Variants in SOX13 observed in about 807,000 individuals in gnomAD.
The protein encoded by SOX13 is transcription factor SOX-13.
SOX13 carries 28 observed loss-of-function variants against 71.8 expected under a neutral mutation model. The observed-to-expected ratio is 0.39, with a 90% CI of 0.29 to 0.53. The LOEUF is 0.53. SOX13 is among the 20% of genes least tolerant of loss of function. SOX13 has a pLI of 0.70. For synonymous variants in SOX13, 309 were observed against 317.8 expected, an observed-to-expected ratio of 0.97 and a Z score of 0.29; for missense variants, 627 against 810.3, an observed-to-expected ratio of 0.77 and a Z score of 2.75.
intron 4 of SOX13, among the ~76,000 whole-genome samples, chr1:204,115,249 C>T (rs2102256973): frequency 6.6e-6 from 1 of 151,838 alleles, no homozygotes; most frequent in Admixed American, 6.6e-5. Flanking sequence ...CCTAAACAGT[C>T]CTCCCACCTT....
At chr1:204,098,807 TG>T (rs1239028765) in intron 1 of SOX13, among the ~76,000 whole-genome samples, 1 of 152,192 alleles carries the variant, frequency 6.6e-6, no homozygotes, top group East Asian at 1.9e-4. Context: ...GCCTCATTCA[TG>T]GGGAAGATAC....
intron 1 of SOX13, among the ~76,000 whole-genome samples, chr1:204,086,500 A>C (rs999717259): frequency 3.1e-5 from 1 of 32,756 alleles, no homozygotes; most frequent in Admixed American, 2.9e-4. Context: ...GAAGGAGTTT[A>C]TCATGTTGGC....
chr1:204,091,956 T>G (rs1242860317), intron 1 of SOX13, among the ~76,000 whole-genome samples: 1 of 152,218 alleles, frequency 6.6e-6, no homozygotes, highest in Non-Finnish European at 1.5e-5. Flanking sequence ...GTTCATTCTT[T>G]CTTTCGTTCT....
At position 204,125,917 on chromosome 1, in the gene SOX13, G is replaced by A. The variant is rs1656911266; in HGVS notation, c.1652G>A (p.Gly551Asp). 4 of 1,613,328 alleles carry A rather than the reference G, an allele frequency of 2.5e-6. No homozygotes were observed. The highest frequency in any genetic ancestry group is 3.4e-6 in the Non-Finnish European group (4 of 1,179,726). Residue 551 changes from glycine to aspartate, a missense_variant, in exon 14 of 14, where the codon GGC becomes GAC. This residue lies in a region of SOX13 where 148 missense variants were observed against 192.7 expected (regional missense o/e 0.77). Transcript: ENST00000367204. ...SSDVLYPRAA[G>D]MPLAQPLVEH... is the part of the protein sequence containing the mutation. Reference sequence around the variant, plus strand: ...GATGTCCTGTACCCTCGGGCAGCAGGCATGCCGCTGGCACAGCCACTGGTG... The same window carrying A: ...GATGTCCTGTACCCTCGGGCAGCAGACATGCCGCTGGCACAGCCACTGGTG...
At chr1:204,085,321 G>A (rs1446806270) in intron 1 of SOX13, among the ~76,000 whole-genome samples, 11 of 152,208 alleles carry the variant, frequency 7.2e-5, no homozygotes. Flanking sequence ...GGCTCATGGG[G>A]CTATTGTGAT....
intron 1 of SOX13, among the ~76,000 whole-genome samples, chr1:204,087,785 A>G (rs988182869): frequency 3.3e-5 from 5 of 152,250 alleles, no homozygotes; most frequent in African/African-American, 7.2e-5. Context: ...ACTTTGCCAC[A>G]GCCCCGCACA....
chr1:204,080,231 C>G (rs1655874765), intron 1 of SOX13, among the ~76,000 whole-genome samples: 1 of 152,178 alleles, frequency 6.6e-6, no homozygotes, highest in Non-Finnish European at 1.5e-5. Flanking sequence ...CCAGCGGTGG[C>G]CTTAGCATTT....
At chr1:204,120,719 G>C (rs1656785714) in intron 7 of SOX13, among the ~76,000 whole-genome samples, 1 of 152,212 alleles carries the variant, frequency 6.6e-6, no homozygotes, top group African/African-American at 2.4e-5. Context: ...CCCAGCTGGA[G>C]CAGAGTTTGC....
At chr1:204,124,559 A>G (rs1656878396) in intron 12 of SOX13, 82 bp from the exon 13 acceptor site, 3 of 1,179,362 alleles carry the variant, frequency 2.5e-6, no homozygotes, top group Non-Finnish European at 3.7e-6. Context: ...CTGGGGATCA[A>G]GGTCTTCTCA....
intron 4 of SOX13, among the ~76,000 whole-genome samples, chr1:204,115,491 TTAAAAAAAAAAAAA>T (rs1656670945): frequency 1.0e-5 from 1 of 95,812 alleles, no homozygotes; most frequent in South Asian, 3.7e-4. Context: ...TTTTTTTTTT[TTAAAAAAAAAAAAA>T]AAAAAAAAGG....
At chr1:204,101,945 T>A (rs1656368522) in intron 1 of SOX13, among the ~76,000 whole-genome samples, 1 of 152,122 alleles carries the variant, frequency 6.6e-6, no homozygotes, top group South Asian at 2.1e-4. Context: ...ATATTACTAT[T>A]TGCCCCAGTT....
At chr1:204,112,520 C>CAT (rs1571586777) in intron 1 of SOX13, among the ~76,000 whole-genome samples, 1 of 124,302 alleles carries the variant, frequency 8.0e-6, no homozygotes, top group East Asian at 2.6e-4. Context: ...CACACACACA[C>CAT]ACACACACTT....
In SOX13 at chr1:204,089,100, T is replaced by C. The variant is rs548811543; in HGVS notation, c.-2+15389T>C. ...GCCTTGTATTAATTTGTTTTTCAGA[T>C]TGAGTCTCTGTTACTAGCAATTTAT... On this transcript the variant is annotated intron_variant, in intron 1 of 13. Transcript: ENST00000367204. 3.3e-5 allele frequency among the ~76,000 whole-genome samples: 5 copies of C among 151,164 alleles called. No homozygotes were observed. The East Asian group carries it at 9.7e-4, about 29-fold the overall frequency.
rs1225621986 is a variant in SOX13, at chr1:204,099,287, A to G, written c.-1-13628A>G. Among the ~76,000 whole-genome samples, 4 of 152,208 alleles carry G rather than the reference A, an allele frequency of 2.6e-5. No individual in the cohort carries two copies. The South Asian group carries it at 8.3e-4, about 31-fold the overall frequency. On this transcript the variant is annotated intron_variant, in intron 1 of 13. Transcript: ENST00000367204. ...AGTAGCTATTTCACAGGACTAATGA[A>G]GGAATTAAAAGGCTAAATCCTTATA... is the stretch of plus-strand genomic sequence containing the variant.
intron 4 of SOX13, chr1:204,116,198 G>A (rs946624484): frequency 1.1e-5 from 15 of 1,335,306 alleles, no homozygotes; most frequent in Middle Eastern, 2.8e-4. Context: ...CCTGTGTGGC[G>A]CTGAGCACTC....
intron 1 of SOX13, among the ~76,000 whole-genome samples, chr1:204,083,543 T>G (rs1655953104): frequency 6.6e-6 from 1 of 152,258 alleles, no homozygotes. Flanking sequence ...ATAGCTTGGA[T>G]AGTCAGCTTT....
intron 1 of SOX13, among the ~76,000 whole-genome samples, chr1:204,112,618 T>C (rs908131043): frequency 1.3e-5 from 2 of 152,106 alleles, no homozygotes; most frequent in East Asian, 1.9e-4. Context: ...GTCAGTCCAC[T>C]AGTCCCGTAG....
rs189611393 is a variant in SOX13 at position 204,113,649 on chromosome 1, T to A, written c.219+515T>A. Among the ~76,000 whole-genome samples the A allele has an allele frequency of 5.9e-3, 890 of 151,678 alleles. 21 individuals are homozygous for A. Among genetic ancestry groups the A allele is most frequent in the Admixed American group, 0.053 (808 of 15,212 alleles). ...ATATGAGATGTAAAAAGGTGATATA[T>A]AATTAAAATCCAAATAAGTGAAAAT... On this transcript the variant is annotated intron_variant, in intron 2 of 13. Transcript: ENST00000367204.
At chr1:204,089,329 C>T (rs1037364284) in intron 1 of SOX13, among the ~76,000 whole-genome samples, 8 of 152,272 alleles carry the variant, frequency 5.3e-5, no homozygotes, top group African/African-American at 9.6e-5. Context: ...CTCCTCTGGA[C>T]AGCATGGCAT....
Sources: gnomAD v4.1 joint callset for allele counts (sites outside exome capture counted in the v4.1 genomes callset) on GRCh38, gnomAD v4.1.1 for gene constraint, gnomAD v4.1.1 regional missense constraint, MANE v1.5 for transcripts, NCBI Gene and HGNC (gene_info 2026-07-23, HGNC 2026-07-21) for gene names.